The following CSMD1 variants were observed in gnomAD, a reference collection of about 807,000 sequenced individuals.
CSMD1 encodes the protein CUB and Sushi multiple domains 1, also known as CUB and sushi domain-containing protein 1.
A neutral mutation model predicts 417.5 loss-of-function variants in CSMD1; 213 were observed. That is an observed-to-expected ratio of 0.51 (90% CI 0.46 to 0.57). CSMD1 has a LOEUF of 0.57. Ranked by LOEUF, CSMD1 falls within the 20% of genes least tolerant of loss-of-function variation. CSMD1 has a pLI of 0.00. For synonymous variants in CSMD1, 2,862 were observed against 1,736.8 expected, an observed-to-expected ratio of 1.65 and a Z score of -16.11; for missense variants, 6,923 against 4,529.7, an observed-to-expected ratio of 1.53 and a Z score of -15.17.
chr8:3,495,161 A>G (rs1272672250), intron 10 of CSMD1, among the ~76,000 whole-genome samples: 1 of 152,244 alleles, frequency 6.6e-6, no homozygotes, highest in Non-Finnish European at 1.5e-5. Flanking sequence ...GCAAACCAGT[A>G]TAAATACTGC....
intron 21 of CSMD1, among the ~76,000 whole-genome samples, chr8:3,354,020 G>A (rs1289801243): frequency 6.6e-6 from 1 of 152,152 alleles, no homozygotes; most frequent in African/African-American, 2.4e-5. Flanking sequence ...ACAGACAGAC[G>A]TGGAGGCTAG....
In CSMD1 at chr8:3,666,469, T is replaced by C. The variant is rs761382599; in HGVS notation, c.1009+41945A>G. ...AGAAATACTGAATCACGATTGATCC[T>C]TGCTGTTAACATGCACAGGGCCAGG... On this transcript the variant is annotated intron_variant, in intron 7 of 69. Transcript: ENST00000635120. 3.6e-4 allele frequency among the ~76,000 whole-genome samples: 55 copies of C among 152,204 alleles called. 1 individual carries two copies. The highest frequency in any genetic ancestry group is 3.7e-4 in the Non-Finnish European group (25 of 67,992).
intron 2 of CSMD1, among the ~76,000 whole-genome samples, chr8:4,441,095 G>GTTTTTTTGTTTTTTTTTTTTT (rs1798444805): frequency 1.9e-5 from 1 of 51,296 alleles, no homozygotes; most frequent in Non-Finnish European, 3.6e-5. Context: ...TAATCAAAAG[G>GTTTTTTTGTTTTTTTTTTTTT]TTTTTTTTTT....
rs191493690 is a variant in CSMD1, at chr8:3,699,921, G to A, written c.1009+8493C>T. Among the ~76,000 whole-genome samples the A allele has an allele frequency of 1.5e-3, 226 of 151,226 alleles. 1 individual carries two copies. The highest frequency in any genetic ancestry group is 2.7e-3 in the Non-Finnish European group (181 of 67,598). On this transcript the variant is annotated intron_variant, in intron 7 of 69. Transcript: ENST00000635120. ...TTATATCCCATAACTACATCCCTGG[G>A]TTATATCCCATAACTACATCCCTGG...
At chr8:3,685,889 T>C (rs559190672) in intron 7 of CSMD1, among the ~76,000 whole-genome samples, 6 of 152,322 alleles carry the variant, frequency 3.9e-5, no homozygotes, top group Admixed American at 3.9e-4. Context: ...CAAACATTTA[T>C]TGTTCGTGTT....
intron 36 of CSMD1, among the ~76,000 whole-genome samples, chr8:3,187,297 T>C (rs1380838281): frequency 1.3e-5 from 2 of 152,218 alleles, no homozygotes; most frequent in East Asian, 3.9e-4. Flanking sequence ...AAATTGAGAT[T>C]GAATGACGCT....
At chr8:3,269,213 G>T (rs1434850685) in intron 26 of CSMD1, among the ~76,000 whole-genome samples, 3 of 152,228 alleles carry the variant, frequency 2.0e-5, no homozygotes, top group Non-Finnish European at 4.4e-5. Flanking sequence ...GAATGCAGCT[G>T]TCTTTGGGCC....
At chr8:3,164,157 A>T (rs1015202609) in intron 37 of CSMD1, among the ~76,000 whole-genome samples, 2 of 152,176 alleles carry the variant, frequency 1.3e-5, no homozygotes, top group Non-Finnish European at 2.9e-5. Context: ...GTGATTGTTC[A>T]TTTGAGAATC....
chr8:4,423,917 A>T (rs936419794), intron 2 of CSMD1, among the ~76,000 whole-genome samples: 1 of 152,080 alleles, frequency 6.6e-6, no homozygotes, highest in Non-Finnish European at 1.5e-5. Context: ...AATAAACCTG[A>T]ACAAATATCT....
At chr8:4,041,052 T>C (rs1445205202) in intron 3 of CSMD1, among the ~76,000 whole-genome samples, 1 of 141,238 alleles carries the variant, frequency 7.1e-6, no homozygotes, top group African/African-American at 2.7e-5. Flanking sequence ...AGTCTCGCTC[T>C]GTCGCCCAGG....
intron 16 of CSMD1, among the ~76,000 whole-genome samples, chr8:3,396,863 A>C (rs1811733300): frequency 6.6e-6 from 1 of 152,054 alleles, no homozygotes; most frequent in Admixed American, 6.6e-5. Context: ...ATGTGTGATG[A>C]GTTTAAACAC....
At chr8:3,269,225 A>AAAGAC (rs1801658647) in intron 26 of CSMD1, among the ~76,000 whole-genome samples, 3 of 152,222 alleles carry the variant, frequency 2.0e-5, no homozygotes, top group Non-Finnish European at 2.9e-5. Context: ...CTTTGGGCCT[A>AAAGAC]TGCTGTTCAC....
At chr8:4,236,956 G>T (rs866740084) in intron 3 of CSMD1, among the ~76,000 whole-genome samples, 28 of 152,282 alleles carry the variant, frequency 1.8e-4, no homozygotes, top group Middle Eastern at 3.4e-3. Flanking sequence ...GTTTCCTCAG[G>T]AAGCAGTTAC....
intron 1 of CSMD1, among the ~76,000 whole-genome samples, chr8:4,877,340 T>C (rs1803106521): frequency 6.6e-6 from 1 of 152,206 alleles, no homozygotes. Context: ...AGGGTTAAGA[T>C]AAATTATGTT....
chr8:2,964,578 A>G (rs1803790421), intron 59 of CSMD1, among the ~76,000 whole-genome samples: 1 of 152,262 alleles, frequency 6.6e-6, no homozygotes, highest in South Asian at 2.1e-4. Context: ...AAGAGGATAA[A>G]AATCCACAGA....
chr8:3,680,976 CA>C (rs1799629597), intron 7 of CSMD1, among the ~76,000 whole-genome samples: 1 of 152,144 alleles, frequency 6.6e-6, no homozygotes, highest in Admixed American at 6.5e-5. Flanking sequence ...AAGCCTTTGA[CA>C]AAATTCAACA....
At chr8:3,844,001 G>C (rs1002226719) in intron 5 of CSMD1, among the ~76,000 whole-genome samples, 2 of 152,098 alleles carry the variant, frequency 1.3e-5, no homozygotes, top group African/African-American at 4.8e-5. Flanking sequence ...CTAGCATCCA[G>C]CACTGATAAT....
chr8:4,123,368 C>G (rs1423468864), intron 3 of CSMD1, among the ~76,000 whole-genome samples: 1 of 152,184 alleles, frequency 6.6e-6, no homozygotes, highest in Non-Finnish European at 1.5e-5. Context: ...CATCCCATAA[C>G]GTCCTTTATT....
At chr8:3,710,384 T>C (rs906328825) in intron 6 of CSMD1, among the ~76,000 whole-genome samples, 3 of 152,194 alleles carry the variant, frequency 2.0e-5, no homozygotes, top group South Asian at 2.1e-4. Flanking sequence ...AATGCCAGGA[T>C]GCCAAGACTG....
Sources: gnomAD v4.1 joint callset for allele counts (sites outside exome capture counted in the v4.1 genomes callset) on GRCh38, gnomAD v4.1.1 for gene constraint, MANE v1.5 for transcripts, NCBI Gene and HGNC (gene_info 2026-07-23, HGNC 2026-07-21) for gene names.